EXOC6B: variants seen among roughly 807,000 people sequenced by gnomAD.
EXOC6B encodes SEC15 homolog B.
Under a neutral mutation model 113.5 loss-of-function variants are expected in EXOC6B, and 54 were observed. That is an observed-to-expected ratio of 0.48 (90% CI 0.38 to 0.60). EXOC6B has a LOEUF of 0.60. Ranked by LOEUF, EXOC6B falls within the 20% of genes least tolerant of loss-of-function variation. The pLI is 0.00. For missense variants in EXOC6B, 797 were observed against 977.5 expected (o/e 0.82, Z 2.46); for synonymous variants, 357 against 339.0 (o/e 1.05, Z -0.58).
intron 11 of EXOC6B, among the ~76,000 whole-genome samples, chr2:72,504,692 TATAAG>T (rs1236796413): frequency 6.6e-6 from 1 of 152,200 alleles, no homozygotes; most frequent in Non-Finnish European, 1.5e-5. Context: ...TCTTTAAATT[TATAAG>T]ATATTACACT....
At chr2:72,434,232 C>T (rs909490977) in intron 18 of EXOC6B, among the ~76,000 whole-genome samples, 4 of 152,128 alleles carry the variant, frequency 2.6e-5, no homozygotes, top group Non-Finnish European at 5.9e-5. Context: ...ATTGAACCAG[C>T]GTTGCATCCC....
intron 18 of EXOC6B, among the ~76,000 whole-genome samples, chr2:72,444,424 A>C (rs1696437249): frequency 6.6e-6 from 1 of 152,162 alleles, no homozygotes; most frequent in African/African-American, 2.4e-5. Context: ...CTGGAGGATG[A>C]TGGCCCTCCT....
chr2:72,283,049 A>G (rs539305454), intron 20 of EXOC6B, among the ~76,000 whole-genome samples: 1 of 152,306 alleles, frequency 6.6e-6, no homozygotes, highest in South Asian at 2.1e-4. Flanking sequence ...ATCATGATTA[A>G]CAAACTTGAT....
intron 1 of EXOC6B, among the ~76,000 whole-genome samples, chr2:72,770,319 A>G (rs888301714): frequency 1.3e-5 from 2 of 152,230 alleles, no homozygotes; most frequent in Non-Finnish European, 2.9e-5. Flanking sequence ...TTATACCAGT[A>G]ACTGTGAGCC....
At chr2:72,402,007 A>G (rs1377685156) in intron 18 of EXOC6B, among the ~76,000 whole-genome samples, 4 of 151,820 alleles carry the variant, frequency 2.6e-5, no homozygotes, top group Non-Finnish European at 4.4e-5. Context: ...TTTTTAGACA[A>G]AAAAATGGCC....
chr2:72,798,568 G>A (rs1039180692), intron 1 of EXOC6B, among the ~76,000 whole-genome samples: 6 of 152,104 alleles, frequency 3.9e-5, no homozygotes, highest in Admixed American at 3.3e-4. Flanking sequence ...GTATATATAC[G>A]GTGACCCACA....
chr2:72,696,217 T>C (rs1677867385), intron 6 of EXOC6B, among the ~76,000 whole-genome samples: 2 of 152,334 alleles, frequency 1.3e-5, no homozygotes, highest in South Asian at 4.1e-4. Context: ...TTGTGCTATA[T>C]TGCAGATTAT....
intron 6 of EXOC6B, among the ~76,000 whole-genome samples, chr2:72,651,329 C>G (rs531851791): frequency 1.3e-4 from 20 of 152,286 alleles, no homozygotes; most frequent in Admixed American, 3.3e-4. Flanking sequence ...CTAAACTACC[C>G]TCAACCTTCA....
At chr2:72,408,044 A>T (rs1693902188) in intron 18 of EXOC6B, among the ~76,000 whole-genome samples, 1 of 142,108 alleles carries the variant, frequency 7.0e-6, no homozygotes, top group Non-Finnish European at 1.5e-5. Context: ...AATGTGCACA[A>T]ATCACAACCA....
chr2:72,497,711 T>C (rs1700110213), intron 13 of EXOC6B, among the ~76,000 whole-genome samples: 1 of 152,080 alleles, frequency 6.6e-6, no homozygotes, highest in African/African-American at 2.4e-5. Context: ...TAATGTAAGA[T>C]CTTGAAGCTA....
chr2:72,558,662 G>A (rs943441922), intron 8 of EXOC6B, among the ~76,000 whole-genome samples: 4 of 152,032 alleles, frequency 2.6e-5, no homozygotes, highest in Admixed American at 1.3e-4. Flanking sequence ...CCAGCTACTC[G>A]AGAGGCTGAG....
intron 8 of EXOC6B, among the ~76,000 whole-genome samples, chr2:72,532,829 A>C (rs1465170393): frequency 2.0e-5 from 3 of 151,992 alleles, no homozygotes; most frequent in Non-Finnish European, 4.4e-5. Flanking sequence ...ACAAAAAACA[A>C]AACAAAAAAA....
chr2:72,686,974 T>C (rs1677133342), intron 6 of EXOC6B, among the ~76,000 whole-genome samples: 1 of 151,902 alleles, frequency 6.6e-6, no homozygotes, highest in South Asian at 2.1e-4. Flanking sequence ...CCATCTCTAC[T>C]AAAAAGACAA....
intron 19 of EXOC6B, among the ~76,000 whole-genome samples, chr2:72,356,306 C>G (rs1371109093): frequency 1.3e-5 from 2 of 152,174 alleles, no homozygotes; most frequent in African/African-American, 4.8e-5. Flanking sequence ...CATAACCACA[C>G]TAATGTCTCT....
Position 72,693,462 on chromosome 2 carries a change from T to G in EXOC6B, c.669+24641A>C, listed in dbSNP as rs140430630. Among the ~76,000 whole-genome samples, 496 of 152,308 alleles carry G rather than the reference T, an allele frequency of 3.3e-3. 2 individuals are homozygous for G. Among genetic ancestry groups the G allele is most frequent in the African/African-American group, 0.011 (472 of 41,574 alleles). The stretch of plus-strand genomic sequence containing the variant: ...CCAGGATCTGCTGTGTATAGCTCTT[T>G]TCTTTGCCTATGAAGTTGTTTAAAT... On this transcript the variant is annotated intron_variant, in intron 6 of 21. Transcript: ENST00000272427.
intron 8 of EXOC6B, among the ~76,000 whole-genome samples, chr2:72,537,674 T>G (rs2105778566): frequency 6.6e-6 from 1 of 152,152 alleles, no homozygotes; most frequent in Admixed American, 6.5e-5. Flanking sequence ...CAGTTCTGAG[T>G]AGCTTATATA....
At chr2:72,605,091 T>C (rs1474315885) in intron 6 of EXOC6B, among the ~76,000 whole-genome samples, 1 of 152,046 alleles carries the variant, frequency 6.6e-6, no homozygotes, top group Non-Finnish European at 1.5e-5. Flanking sequence ...AAGATCAGCC[T>C]GGCCAAGATG....
At chr2:72,430,078 C>T (rs532169555) in intron 18 of EXOC6B, among the ~76,000 whole-genome samples, 7 of 152,162 alleles carry the variant, frequency 4.6e-5, no homozygotes, top group South Asian at 2.1e-4. Context: ...TTTGAAAGAA[C>T]GTAATAATAT....
intron 18 of EXOC6B, among the ~76,000 whole-genome samples, chr2:72,452,381 T>C (rs2105365989): frequency 6.6e-6 from 1 of 152,258 alleles, no homozygotes. Context: ...CATGTAACAT[T>C]AGTTCATAAT....
Sources: allele counts gnomAD v4.1 joint callset (sites outside exome capture counted in the v4.1 genomes callset), GRCh38; gene constraint gnomAD v4.1.1; transcripts MANE v1.5; gene names NCBI Gene and HGNC (gene_info 2026-07-23, HGNC 2026-07-21).